Variants in LIMCH1 observed in about 807,000 individuals in gnomAD.
LIMCH1 encodes the protein LIM and calponin homology domains 1.
Under a neutral mutation model 176.5 loss-of-function variants are expected in LIMCH1, and 113 were observed. The observed-to-expected ratio is 0.64, with a 90% CI of 0.55 to 0.75. LIMCH1 has a LOEUF of 0.75. Among genes scored for constraint, LIMCH1 ranks in the 30% least tolerant of loss-of-function variants. The pLI, the probability that LIMCH1 is intolerant of heterozygous loss-of-function variation, is 0.00. For missense variants in LIMCH1, 1,674 were observed against 1,814.9 expected (o/e 0.92, Z 1.41); for synonymous variants, 619 against 645.9 (o/e 0.96, Z 0.63).
At chr4:41,487,813 C>T (rs769085874) in intron 1 of LIMCH1, among the ~76,000 whole-genome samples, 6 of 151,464 alleles carry the variant, frequency 4.0e-5, no homozygotes, top group South Asian at 2.1e-4. Context: ...CCACCACGCC[C>T]GGCTAATTTT....
At chr4:41,693,596 A>G (rs1728079766) in intron 31 of LIMCH1, among the ~76,000 whole-genome samples, 1 of 150,558 alleles carries the variant, frequency 6.6e-6, no homozygotes, top group African/African-American at 2.4e-5. Flanking sequence ...TATCATAAAT[A>G]TATACACACA....
At chr4:41,530,793 C>A (rs1181103567) in intron 3 of LIMCH1, among the ~76,000 whole-genome samples, 1 of 38,908 alleles carries the variant, frequency 2.6e-5, no homozygotes. Context: ...GAAACCCCGC[C>A]TAAAAAAAAA....
chr4:41,680,100 T>C lies in LIMCH1; in HGVS notation c.3612+2T>C. 1 of 1,590,742 alleles carries C rather than the reference T, an allele frequency of 6.3e-7. No homozygotes were observed. The highest frequency in any genetic ancestry group is 8.6e-7 in the Non-Finnish European group (1 of 1,165,434). The stretch of plus-strand genomic sequence containing the variant: ...GAAGAACGCAGATACTATGAGGAGG[T>C]AGGAAATTCCCAAGAAGGAATTTGA... On this transcript the variant is annotated splice_donor_variant, in intron 24 of 31. Transcript: ENST00000503057. LOFTEE classifies it high-confidence loss of function.
intron 2 of LIMCH1, among the ~76,000 whole-genome samples, chr4:41,523,090 C>T (rs576163442): frequency 6.6e-6 from 1 of 152,016 alleles, no homozygotes; most frequent in East Asian, 1.9e-4. Context: ...AGGGACATTT[C>T]TCAACATATG....
intron 1 of LIMCH1, among the ~76,000 whole-genome samples, chr4:41,426,017 CTTTTTTTTT>C (rs913325890): frequency 1.1e-3 from 111 of 102,866 alleles, no homozygotes; most frequent in African/African-American, 4.1e-3. Flanking sequence ...TGAAAAGATT[CTTTTTTTTT>C]TTTTTTTTTT....
chr4:41,694,655 A>C (rs1220922262), intron 31 of LIMCH1, among the ~76,000 whole-genome samples: 1 of 152,208 alleles, frequency 6.6e-6, no homozygotes, highest in Non-Finnish European at 1.5e-5. Context: ...ATTCTCTATG[A>C]ATGGACACTT....
intron 2 of LIMCH1, among the ~76,000 whole-genome samples, chr4:41,519,799 C>G (rs1027710138): frequency 2.0e-5 from 3 of 152,220 alleles, no homozygotes; most frequent in African/African-American, 7.2e-5. Context: ...TGGATTCTCA[C>G]TCTAATCCTG....
chr4:41,676,168 C>G (rs1040289637), intron 22 of LIMCH1, among the ~76,000 whole-genome samples: 1 of 152,156 alleles, frequency 6.6e-6, no homozygotes, highest in East Asian at 1.9e-4. Context: ...CAAAAAGATT[C>G]ACAGAATCAT....
intron 30 of LIMCH1, among the ~76,000 whole-genome samples, chr4:41,691,102 T>C (rs1725224773): frequency 6.6e-6 from 1 of 152,154 alleles, no homozygotes; most frequent in African/African-American, 2.4e-5. Flanking sequence ...CCTTCTTAAC[T>C]CTCAAGGCCT....
chr4:41,385,110 C>G (rs1419127571), intron 1 of LIMCH1, among the ~76,000 whole-genome samples: 2 of 152,232 alleles, frequency 1.3e-5, no homozygotes, highest in Admixed American at 6.5e-5. Context: ...CAGTTGTACT[C>G]TGAACCAGTG....
intron 1 of LIMCH1, among the ~76,000 whole-genome samples, chr4:41,398,189 G>C (rs1413413796): frequency 1.5e-5 from 2 of 137,836 alleles, no homozygotes; most frequent in African/African-American, 5.5e-5. Context: ...TTTTTTTTTA[G>C]TTTCTATTAT....
Position 41,650,440 on chromosome 4 carries a change from G to A in LIMCH1, c.2868G>A (p.Glu956=). 6.2e-7 allele frequency: 1 copy of A among 1,614,110 alleles called. No homozygotes were observed. Among genetic ancestry groups the A allele is most frequent in the Middle Eastern group, 1.6e-4 (1 of 6,062 alleles). ...ATGGAGAGACGGTTCATAGAGAGGA[G>A]GAGAAGGAAAGAGAGTGTCCCACGG... The part of the protein sequence containing the change: ...SVNGETVHRE[E]EKERECPTVA... Residue 956 remains glutamate, a synonymous_variant, in exon 18 of 32, where the codon GAG becomes GAA. Transcript: ENST00000503057.
intron 2 of LIMCH1, among the ~76,000 whole-genome samples, chr4:41,501,052 T>C (rs1236185444): frequency 6.6e-6 from 1 of 152,080 alleles, no homozygotes; most frequent in Non-Finnish European, 1.5e-5. Flanking sequence ...ATGACATATT[T>C]CAGCATGGGG....
In LIMCH1 at chr4:41,700,028, T is replaced by C. The variant is rs1367660082; in HGVS notation, c.*2843T>C. On this transcript the variant is annotated 3_prime_UTR_variant, in exon 32 of 32. Coordinates refer to ENST00000503057, the MANE Select transcript of LIMCH1 (RefSeq NM_001330672.2). ...TTTATAGTAAATGTACATTTATAAATAAAATACTCAAATCAACTTTGTATT... is the reference window on the plus strand; with the variant it reads ...TTTATAGTAAATGTACATTTATAAACAAAATACTCAAATCAACTTTGTATT... 1.3e-5 allele frequency: 2 copies of C among 152,344 alleles called. No homozygotes were observed. The highest frequency in any genetic ancestry group is 2.4e-5 in the African/African-American group (1 of 41,580). The allele number at this position is 152,344 out of a possible 1,614,324, so 9.4% of individuals were successfully genotyped here. A position where few individuals can be genotyped will look rare whatever the true frequency, so the allele number is the denominator to read the frequency against.
Position 41,632,878 on chromosome 4 carries a change from G to C in LIMCH1, c.1720+11G>C, listed in dbSNP as rs1452660159. ...GGGGGACAGAGGAAGGTGAGGAGCA[G>C]TGTTTCCTGCCTTCCCGGGAGGTGA... is the stretch of plus-strand genomic sequence containing the variant. On this transcript the variant is annotated intron_variant, in intron 11 of 31. Coordinates refer to ENST00000503057, the MANE Select transcript of LIMCH1 (RefSeq NM_001330672.2). 5 of 1,534,498 alleles carry C rather than the reference G, an allele frequency of 3.3e-6. No homozygotes were observed. The highest frequency in any genetic ancestry group is 1.4e-5 in the African/African-American group (1 of 73,012).
intron 1 of LIMCH1, among the ~76,000 whole-genome samples, chr4:41,481,220 G>T (rs2068560478): frequency 6.6e-6 from 1 of 152,202 alleles, no homozygotes; most frequent in Non-Finnish European, 1.5e-5. Context: ...CTTCTGTGCT[G>T]TTTCTTTGCC....
chr4:41,479,593 AATGACCAGTATAT>A (rs1415630797), intron 1 of LIMCH1, among the ~76,000 whole-genome samples: 5 of 152,192 alleles, frequency 3.3e-5, no homozygotes, highest in Non-Finnish European at 7.4e-5. Flanking sequence ...AATATCATCA[AATGACCAGTATAT>A]ATTTAGCTTT....
At chr4:41,445,231 C>A (rs1471037747) in intron 1 of LIMCH1, among the ~76,000 whole-genome samples, 3 of 152,108 alleles carry the variant, frequency 2.0e-5, no homozygotes, top group Admixed American at 6.5e-5. Context: ...GTCTTGATCT[C>A]CTGACCTCGT....
intron 1 of LIMCH1, among the ~76,000 whole-genome samples, chr4:41,365,037 G>A (rs2068782): frequency 0.091 from 13,787 of 152,202 alleles, 1,092 homozygotes; most frequent in African/African-American, 0.21. Context: ...CTTCTTTTCA[G>A]TGCCAAACAC....
Sources: gnomAD v4.1 joint callset for allele counts (sites outside exome capture counted in the v4.1 genomes callset) on GRCh38, gnomAD v4.1.1 for gene constraint, MANE v1.5 for transcripts, NCBI Gene and HGNC (gene_info 2026-07-23, HGNC 2026-07-21) for gene names.